CLCN5: variants seen among roughly 807,000 people sequenced by gnomAD.
CLCN5 encodes the protein H(+)/Cl(-) exchange transporter 5.
Under a neutral mutation model 54.0 loss-of-function variants are expected in CLCN5, and 17 were observed. The ratio of observed to expected loss-of-function variants is 0.31; its 90% CI spans 0.22 to 0.47. The LOEUF is 0.47. Among genes scored for constraint, CLCN5 ranks in the 20% least tolerant of loss-of-function variants. The probability of loss-of-function intolerance (pLI) is 1.00; values close to 1 mark genes in which losing one functional copy is unlikely to be tolerated. For missense variants in CLCN5, 448 were observed against 646.7 expected (o/e 0.69, Z 3.33); for synonymous variants, 222 against 233.0 (o/e 0.95, Z 0.43).
chrX:49,984,111 AT>A (rs1297418052), intron 3 of CLCN5, among the ~76,000 whole-genome samples: 1 of 111,618 alleles, frequency 9.0e-6, no homozygotes, highest in Admixed American at 9.6e-5. Flanking sequence ...GACATATCAT[AT>A]TTGTGATAAT....
At chrX:49,926,579 C>A (rs187716324) in intron 3 of CLCN5, among the ~76,000 whole-genome samples, 4 of 111,731 alleles carry the variant, frequency 3.6e-5, no homozygotes, top group East Asian at 2.8e-4. Flanking sequence ...GCATTCTGGG[C>A]AGACAGAGCA....
chrX:49,972,112 G>GGTGGGT (rs1928244445), intron 3 of CLCN5, among the ~76,000 whole-genome samples: 1 of 86,592 alleles, frequency 1.2e-5, no homozygotes. Context: ...TGCATTCTCT[G>GGTGGGT]GTGTGTGTGT....
At chrX:50,074,159 A>G in intron 6 of CLCN5, among the ~76,000 whole-genome samples, 1 of 112,400 alleles carries the variant, frequency 8.9e-6, no homozygotes, top group East Asian at 2.8e-4. Flanking sequence ...GGTTTGTGCA[A>G]AAGTAATTGC....
intron 3 of CLCN5, among the ~76,000 whole-genome samples, chrX:49,990,890 C>T (rs370450437): frequency 7.9e-4 from 89 of 112,570 alleles, no homozygotes; most frequent in African/African-American, 2.7e-3. Context: ...TATTTCGTTC[C>T]TTTTTATGGC....
rs1354057843 is a variant in CLCN5 at position 50,093,844 on chromosome X, C to T, written c.*1625C>T. The T allele has an allele frequency of 2.7e-5, 3 of 112,089 alleles. No homozygotes were observed. The highest frequency in any genetic ancestry group is 5.6e-5 in the Non-Finnish European group (3 of 53,249). 9.2% of individuals were successfully genotyped at this position (112,089 alleles called of 1,213,427 possible). Reference sequence around the variant, plus strand: ...ACATGGACCAGAGGTGACACACAGCCATTTCCTTTGCCATGTGGCCCAGTT... The same window carrying T: ...ACATGGACCAGAGGTGACACACAGCTATTTCCTTTGCCATGTGGCCCAGTT... On this transcript the variant is annotated 3_prime_UTR_variant, in exon 15 of 15. Coordinates refer to ENST00000376091, the MANE Select transcript of CLCN5 (RefSeq NM_001127898.4).
chrX:49,947,050 G>A (rs1172572946), intron 3 of CLCN5, among the ~76,000 whole-genome samples: 1 of 110,221 alleles, frequency 9.1e-6, no homozygotes, highest in Non-Finnish European at 1.9e-5. Flanking sequence ...TTGAACTCCT[G>A]ACCTCAGGTG....
intron 3 of CLCN5, among the ~76,000 whole-genome samples, chrX:49,989,152 A>G (rs1248928142): frequency 2.8e-5 from 3 of 107,590 alleles, no homozygotes; most frequent in African/African-American, 6.8e-5. Context: ...GGCTCACTGC[A>G]GCCTGGAACT....
At chrX:50,035,327 A>T (rs2147464749) in intron 3 of CLCN5, among the ~76,000 whole-genome samples, 1 of 111,134 alleles carries the variant, frequency 9.0e-6, no homozygotes, top group African/African-American at 3.3e-5. Context: ...CAAGGTAAAG[A>T]TTTATTGAGT....
In CLCN5 at chrX:50,066,313, C is replaced by T. The variant is rs148812874; in HGVS notation, c.164-3566C>T. On this transcript the variant is annotated intron_variant, in intron 4 of 14. Transcript: ENST00000376091. The stretch of plus-strand genomic sequence containing the variant: ...CAGTTGCCACTTCATTTTCAATCCT[C>T]CTCCTTAATGCTAGATTAGTTCATC... Among the ~76,000 whole-genome samples, 614 of 111,018 alleles carry T rather than the reference C, an allele frequency of 5.5e-3. 9 individuals carry two copies. Among genetic ancestry groups the T allele is most frequent in the Middle Eastern group, 0.038 (8 of 212 alleles).
intron 4 of CLCN5, chrX:50,067,693 A>G (rs1933079374): frequency 1.3e-6 from 1 of 752,313 alleles, no homozygotes; most frequent in African/African-American, 2.3e-5. Flanking sequence ...CCCAACCTGA[A>G]TGACCAAATG....
chrX:49,956,819 G>A (rs782239622), intron 3 of CLCN5, among the ~76,000 whole-genome samples: 3 of 111,513 alleles, frequency 2.7e-5, no homozygotes, highest in Non-Finnish European at 3.8e-5. Flanking sequence ...TCCTTCTAGC[G>A]TTCTTTATAT....
intron 4 of CLCN5, among the ~76,000 whole-genome samples, chrX:50,051,935 A>G (rs781929825): frequency 9.0e-6 from 1 of 111,514 alleles, no homozygotes; most frequent in East Asian, 2.8e-4. Flanking sequence ...GGATTTTTTT[A>G]GGATTCTTTG....
intron 3 of CLCN5, among the ~76,000 whole-genome samples, chrX:50,028,401 A>C (rs781863393): frequency 1.8e-5 from 2 of 112,004 alleles, no homozygotes; most frequent in Non-Finnish European, 3.8e-5. Flanking sequence ...AAAACTCTTC[A>C]AAGTGTGAGG....
At position 50,090,458 on chromosome X, in the gene CLCN5, G is replaced by A. The variant is rs1569540500; in HGVS notation, c.2087G>A (p.Arg696Gln). 3 of 1,209,266 alleles carry A rather than the reference G, an allele frequency of 2.5e-6. No homozygotes were observed. The highest frequency in any genetic ancestry group is 1.8e-5 in the South Asian group (1 of 56,558). Residue 696 changes from arginine to glutamine, a missense_variant, in exon 13 of 15, where the codon CGG becomes CAG. Coordinates refer to ENST00000376091, the MANE Select transcript of CLCN5 (RefSeq NM_001127898.4). The part of the protein sequence containing the change: ...TYSGFPVVVS[R>Q]ESQRLVGFVL... ...AGTGGCTTCCCAGTGGTGGTATCCC[G>A]GGAGTCCCAAAGACTTGTGGGCTTT...
At chrX:49,998,717 A>G (rs1313259006) in intron 3 of CLCN5, among the ~76,000 whole-genome samples, 10 of 111,190 alleles carry the variant, frequency 9.0e-5, no homozygotes, top group African/African-American at 3.0e-4. Flanking sequence ...CCACTCGTCT[A>G]TATGTCTTGA....
intron 3 of CLCN5, among the ~76,000 whole-genome samples, chrX:49,969,608 T>C (rs1354449216): frequency 1.8e-5 from 2 of 112,230 alleles, no homozygotes; most frequent in African/African-American, 6.5e-5. Context: ...TTTAATTTCA[T>C]TGAGTTTCAC....
At chrX:49,946,873 G>A (rs1386337311) in intron 3 of CLCN5, among the ~76,000 whole-genome samples, 1 of 110,058 alleles carries the variant, frequency 9.1e-6, no homozygotes, top group Non-Finnish European at 1.9e-5. Flanking sequence ...TTGTTACCCA[G>A]GCTGGAGTGC....
At chrX:50,025,790 C>G (rs1487615824) in intron 3 of CLCN5, among the ~76,000 whole-genome samples, 2 of 111,179 alleles carry the variant, frequency 1.8e-5, no homozygotes, top group Admixed American at 9.5e-5. Context: ...CTTAACCGGG[C>G]TAGAGGTTTA....
chrX:49,996,823 GC>G (rs1557179724), intron 3 of CLCN5, among the ~76,000 whole-genome samples: 1 of 111,879 alleles, frequency 8.9e-6, no homozygotes, highest in African/African-American at 3.3e-5. Context: ...CCACAGCATG[GC>G]CTTGACCTTA....
Sources: allele counts gnomAD v4.1 joint callset (sites outside exome capture counted in the v4.1 genomes callset), GRCh38; gene constraint gnomAD v4.1.1; transcripts MANE v1.5; gene names NCBI Gene and HGNC (gene_info 2026-07-23, HGNC 2026-07-21).